MARCHF1: variants seen among roughly 807,000 people sequenced by gnomAD.
MARCHF1 encodes E3 ubiquitin-protein ligase MARCHF1.
In MARCHF1, 40 loss-of-function variants were observed where a neutral mutation model predicts 54.2. The ratio of observed to expected loss-of-function variants is 0.74; its 90% CI spans 0.57 to 0.96. The LOEUF (loss-of-function observed/expected upper bound fraction) is 0.96, where lower values mean the gene tolerates loss of function less well. Ranked by LOEUF, MARCHF1 falls within the 40% of genes least tolerant of loss-of-function variation. The pLI is 0.00. For missense variants in MARCHF1, 586 were observed against 656.5 expected (o/e 0.89, Z 1.17); for synonymous variants, 236 against 236.3 (o/e 1.00, Z 0.01).
At chr4:164,129,637 A>C (rs1237403077) in intron 1 of MARCHF1, among the ~76,000 whole-genome samples, 1 of 152,176 alleles carries the variant, frequency 6.6e-6, no homozygotes, top group Non-Finnish European at 1.5e-5. Flanking sequence ...GTAAAACAGA[A>C]AGTATTGCCT....
intron 2 of MARCHF1, among the ~76,000 whole-genome samples, chr4:164,000,379 G>A (rs1753162961): frequency 6.6e-6 from 1 of 151,678 alleles, no homozygotes; most frequent in Non-Finnish European, 1.5e-5. Context: ...GATGGTAGTT[G>A]CCAGGGATGC....
chr4:164,140,192 T>A (rs905451921), intron 1 of MARCHF1, among the ~76,000 whole-genome samples: 2 of 147,304 alleles, frequency 1.4e-5, no homozygotes, highest in Non-Finnish European at 3.0e-5. Flanking sequence ...CATATACACA[T>A]ACACACACAT....
At chr4:164,089,221 TACG>T (rs1183139378) in intron 2 of MARCHF1, among the ~76,000 whole-genome samples, 2 of 152,122 alleles carry the variant, frequency 1.3e-5, no homozygotes, top group African/African-American at 2.4e-5. Flanking sequence ...GTCATGAAAA[TACG>T]ACATTGAATA....
chr4:163,750,557 C>A (rs866146525), intron 4 of MARCHF1, among the ~76,000 whole-genome samples: 2 of 123,884 alleles, frequency 1.6e-5, no homozygotes, highest in African/African-American at 2.9e-5. Flanking sequence ...AATAAATAAA[C>A]GTATCTGACA....
At chr4:164,037,307 G>A (rs986290926) in intron 2 of MARCHF1, among the ~76,000 whole-genome samples, 1 of 152,064 alleles carries the variant, frequency 6.6e-6, no homozygotes, top group Non-Finnish European at 1.5e-5. Context: ...CACTAGCTTA[G>A]GTCATCAAGG....
chr4:163,823,019 A>G (rs940305111), intron 4 of MARCHF1, among the ~76,000 whole-genome samples: 5 of 151,848 alleles, frequency 3.3e-5, no homozygotes, highest in African/African-American at 1.2e-4. Flanking sequence ...TAATAACACA[A>G]ACAGGCTTAC....
intron 3 of MARCHF1, among the ~76,000 whole-genome samples, chr4:163,893,823 C>T (rs564711234): frequency 6.6e-6 from 1 of 152,238 alleles, no homozygotes; most frequent in Admixed American, 6.5e-5. Flanking sequence ...AGCCTCATTA[C>T]AGCCTGCAAG....
intron 3 of MARCHF1, among the ~76,000 whole-genome samples, chr4:163,928,109 A>G (rs1240384333): frequency 6.6e-6 from 1 of 151,902 alleles, no homozygotes; most frequent in Non-Finnish European, 1.5e-5. Flanking sequence ...GAAATTCTCT[A>G]TGTAATTCTT....
intron 5 of MARCHF1, among the ~76,000 whole-genome samples, chr4:163,686,209 T>TTAA (rs36094811): frequency 0.48 from 72,138 of 151,260 alleles, 17,640 homozygotes; most frequent in African/African-American, 0.51. Flanking sequence ...TTTTGTTGTG[T>TTAA]TAATAAAATA....
At chr4:163,741,602 G>C (rs984515439) in intron 4 of MARCHF1, among the ~76,000 whole-genome samples, 5 of 150,668 alleles carry the variant, frequency 3.3e-5, no homozygotes, top group Admixed American at 2.6e-4. Context: ...AAAAAAATTT[G>C]GAAACCTAAT....
chr4:163,577,931 G>A (rs1740093085), intron 8 of MARCHF1, among the ~76,000 whole-genome samples: 1 of 151,734 alleles, frequency 6.6e-6, no homozygotes, highest in Non-Finnish European at 1.5e-5. Flanking sequence ...ACAGCTGAGA[G>A]AGAAATATAT....
At chr4:163,589,832 T>C (rs1348989926) in intron 7 of MARCHF1, among the ~76,000 whole-genome samples, 3 of 152,112 alleles carry the variant, frequency 2.0e-5, no homozygotes, top group African/African-American at 7.2e-5. Context: ...ATAAAATTAT[T>C]GGTGATCCAC....
At chr4:163,780,992 T>C (rs1194893074) in intron 4 of MARCHF1, among the ~76,000 whole-genome samples, 1 of 152,136 alleles carries the variant, frequency 6.6e-6, no homozygotes, top group East Asian at 1.9e-4. Context: ...ACTGCAGGGA[T>C]CAACATGCTG....
intron 1 of MARCHF1, among the ~76,000 whole-genome samples, chr4:164,273,946 A>C (rs1010026997): frequency 6.6e-6 from 1 of 152,184 alleles, no homozygotes; most frequent in African/African-American, 2.4e-5. Flanking sequence ...TAATAAATAA[A>C]AATGTTCTTG....
intron 1 of MARCHF1, among the ~76,000 whole-genome samples, chr4:164,265,827 T>G (rs1733597069): frequency 6.6e-6 from 1 of 152,154 alleles, no homozygotes; most frequent in Non-Finnish European, 1.5e-5. Context: ...ACTTATCATC[T>G]ATCATAATTC....
chr4:163,555,380 C>A (rs1739248508), intron 8 of MARCHF1, among the ~76,000 whole-genome samples: 2 of 152,148 alleles, frequency 1.3e-5, no homozygotes, highest in Admixed American at 6.5e-5. Flanking sequence ...CGGTTTTTCA[C>A]AGAGTGAATA....
At chr4:164,235,409 G>T (rs1045629976) in intron 1 of MARCHF1, among the ~76,000 whole-genome samples, 23 of 152,090 alleles carry the variant, frequency 1.5e-4, no homozygotes, top group African/African-American at 5.3e-4. Context: ...CTGAAATTGA[G>T]TCCTGTTGTT....
intron 3 of MARCHF1, among the ~76,000 whole-genome samples, chr4:163,982,241 G>A (rs957108546): frequency 1.3e-5 from 2 of 152,148 alleles, no homozygotes; most frequent in Non-Finnish European, 2.9e-5. Context: ...AGAGTAGTTG[G>A]AAAGTGCTTT....
In MARCHF1 at chr4:164,190,239, C is replaced by A. The variant is rs575029666; in HGVS notation, c.-322-78577G>T. 831 of 1,301,868 alleles carry A rather than the reference C, an allele frequency of 6.4e-4. 5 individuals carry two copies. Among genetic ancestry groups the A allele is most frequent in the Middle Eastern group, 5.5e-3 (29 of 5,260 alleles). The allele number at this position is 1,301,868 out of a possible 1,614,324, so 80.6% of individuals were successfully genotyped here. A position where few individuals can be genotyped will look rare whatever the true frequency, so the allele number is the denominator to read the frequency against. ...AGACTTCGAAGCTAACAAGAAGGAA[C>A]TGGAAGAAATTGTTCAGCCACTTAT... On this transcript the variant is annotated intron_variant, in intron 1 of 9. Transcript: ENST00000514618.
Sources: allele counts gnomAD v4.1 joint callset (sites outside exome capture counted in the v4.1 genomes callset), GRCh38; gene constraint gnomAD v4.1.1; transcripts MANE v1.5; gene names NCBI Gene and HGNC (gene_info 2026-07-23, HGNC 2026-07-21).